Variants in GARNL3 observed in about 807,000 individuals in gnomAD.
GARNL3 encodes GTPase-activating Rap/Ran-GAP domain-like protein 3.
In GARNL3, 63 loss-of-function variants were observed where a neutral mutation model predicts 125.0. The ratio of observed to expected loss-of-function variants is 0.50; its 90% CI spans 0.41 to 0.62. The LOEUF (loss-of-function observed/expected upper bound fraction) is 0.62. Among genes scored for constraint, GARNL3 ranks in the 20% least tolerant of loss-of-function variants. GARNL3 has a pLI of 0.00. For missense variants in GARNL3, 994 were observed against 1,244.0 expected (o/e 0.80, Z 3.02); for synonymous variants, 439 against 457.5 (o/e 0.96, Z 0.52).
At position 127,389,190 on chromosome 9, in the gene GARNL3, G is replaced by T. The variant is rs1282470761; in HGVS notation, c.2743+71G>T. 3 of 1,121,762 alleles carry T rather than the reference G, an allele frequency of 2.7e-6. No homozygotes were observed. The African/African-American group carries it at 4.6e-5, about 17-fold the overall frequency. The allele number at this position is 1,121,762 out of a possible 1,614,324, so 69.5% of individuals were successfully genotyped here. ...CTGGTTTTATCTTTGGATATGAATT[G>T]TCCTCAGAAACAATGAGTTTAAAAG... On this transcript the variant is annotated intron_variant, in intron 26 of 27. Transcript: ENST00000373387.
rs753236719 is a variant in GARNL3 at position 127,389,072 on chromosome 9, G to T, written c.2696G>T (p.Arg899Leu). ...IPVTHSLSLSRMEIKEIASRT... is the reference protein window; with the variant it reads ...IPVTHSLSLSLMEIKEIASRT... ...GTCACGCACTCCTTGTCCCTGTCTC[G>T]CATGGAGATCAAAGAAATAGCAAGC... The change falls in exon 26 of 28, where the codon CGC becomes CTC. Residue 899 changes from arginine to leucine, a missense_variant. By Grantham distance (102) the Arg-to-Leu change is moderately radical. This residue lies in a region of GARNL3 where 728 missense variants were observed against 865.7 expected (regional missense o/e 0.84). Transcript: ENST00000373387. The T allele has an allele frequency of 1.9e-6, 3 of 1,614,070 alleles. No individual in the cohort carries two copies. Among genetic ancestry groups the T allele is most frequent in the Non-Finnish European group, 2.5e-6 (3 of 1,179,982 alleles).
chr9:127,225,210 G>A (rs1372197424), intron 1 of GARNL3: 1 of 250,118 alleles, frequency 4.0e-6, no homozygotes, highest in South Asian at 1.5e-4. Context: ...GGCCCAGCGA[G>A]GGGAGAGGGG....
chr9:127,293,506 G>T (rs2812273), intron 2 of GARNL3, among the ~76,000 whole-genome samples: 123,820 of 152,074 alleles, frequency 0.81, 51,055 homozygotes, highest in African/African-American at 0.94. Context: ...TTGCTGGCAC[G>T]TCCGTTGTCA....
intron 25 of GARNL3, among the ~76,000 whole-genome samples, chr9:127,387,576 C>T (rs1472100278): frequency 6.6e-6 from 1 of 151,800 alleles, no homozygotes; most frequent in Non-Finnish European, 1.5e-5. Flanking sequence ...AACCCCATCT[C>T]TACTAAAAAT....
At chr9:127,281,678 A>G (rs2064109913) in intron 1 of GARNL3, among the ~76,000 whole-genome samples, 1 of 152,198 alleles carries the variant, frequency 6.6e-6, no homozygotes, top group Admixed American at 6.5e-5. Flanking sequence ...ACAGAAGTGG[A>G]CTAAAAGAGA....
upstream of GARNL3, chr9:127,263,776 A>G (rs563398682): frequency 1.6e-6 from 2 of 1,232,618 alleles, no homozygotes; most frequent in East Asian, 3.2e-5. Flanking sequence ...TAAATTTCTC[A>G]TATAAGATTA....
At chr9:127,317,922 A>G in intron 4 of GARNL3, 141 bp from the exon 5 acceptor site, 3 of 706,664 alleles carry the variant, frequency 4.2e-6, no homozygotes, top group Middle Eastern at 2.4e-4. Context: ...TTTCAGTCAT[A>G]GAATGTGTTT....
chr9:127,255,053 G>C (rs2063473830), intron 2 of GARNL3, among the ~76,000 whole-genome samples: 1 of 152,210 alleles, frequency 6.6e-6, no homozygotes, highest in African/African-American at 2.4e-5. Flanking sequence ...CTGCTCATGA[G>C]AGGGTAAATT....
chr9:127,258,778 C>T (rs1422117161), upstream of GARNL3, among the ~76,000 whole-genome samples: 3 of 152,182 alleles, frequency 2.0e-5, no homozygotes, highest in African/African-American at 7.2e-5. Flanking sequence ...GCCTTGGGCT[C>T]CCTACAAGCC....
intron 22 of GARNL3, among the ~76,000 whole-genome samples, chr9:127,377,132 ATTTC>A (rs1831960322): frequency 2.6e-5 from 4 of 152,232 alleles, no homozygotes; most frequent in Admixed American, 2.6e-4. Context: ...AAGGATGATT[ATTTC>A]TTTAACATTA....
chr9:127,346,132 G>A (rs1214001425), intron 16 of GARNL3, among the ~76,000 whole-genome samples: 5 of 152,092 alleles, frequency 3.3e-5, no homozygotes, highest in Non-Finnish European at 7.3e-5. Flanking sequence ...TTCCATGGGG[G>A]TAAAAACTAG....
chr9:127,278,062 T>C (rs1243126030), intron 1 of GARNL3, among the ~76,000 whole-genome samples: 1 of 152,210 alleles, frequency 6.6e-6, no homozygotes, highest in Non-Finnish European at 1.5e-5. Context: ...ATTTTTTATA[T>C]TACTTCATAG....
chr9:127,339,221 C>T (rs1003299532), intron 12 of GARNL3, among the ~76,000 whole-genome samples: 3 of 150,766 alleles, frequency 2.0e-5, no homozygotes, highest in Admixed American at 6.6e-5. Context: ...GGTGTGAACC[C>T]GGGAGGCGGA....
chr9:127,264,896 A>G lies in GARNL3; in HGVS notation c.19A>G (p.Arg7Gly), dbSNP rs1272099589. The G allele has an allele frequency of 5.7e-5, 91 of 1,583,962 alleles. 1 individual carries two copies. The East Asian group carries it at 2.1e-3, about 37-fold the overall frequency. MVVDFC[R>G]RFVARSLCII... ...TTTGCAAATGGTAGTTGATTTTTGC[A>G]GAAGGTTTGTGGCCAGATCGCTATG... The change falls in exon 1 of 28, where the codon AGA (arginine) becomes GGA (glycine). Residue 7 changes from arginine (R) to glycine (G), a missense_variant. This residue lies in a region of GARNL3 where 37 missense variants were observed against 34.2 expected (regional missense o/e 1.08). Transcript: ENST00000373387.
chr9:127,384,876 G>A lies in GARNL3; in HGVS notation c.2270-151G>A, dbSNP rs2131822918. On this transcript the variant is annotated intron_variant, in intron 23 of 27. Transcript: ENST00000373387. The surrounding 1 kb of genome is among the most constrained non-coding windows in gnomAD (Gnocchi z 4.0). ...GGAACCCAGGCTACCTTAGGATCAG[G>A]GTGACTTGCACATGTGAAGGAAGGA... The A allele has an allele frequency of 1.9e-6, 1 of 527,154 alleles. No individual in the cohort carries two copies. 32.7% of individuals were successfully genotyped at this position (527,154 alleles called of 1,614,324 possible).
At chr9:127,337,423 G>T (rs536643863) in intron 11 of GARNL3, among the ~76,000 whole-genome samples, 2 of 152,260 alleles carry the variant, frequency 1.3e-5, no homozygotes, top group South Asian at 4.1e-4. Context: ...CATTAAGGCA[G>T]ATTCATTCCA....
At chr9:127,351,948 A>G (rs1386344663) in intron 17 of GARNL3, among the ~76,000 whole-genome samples, 1 of 152,220 alleles carries the variant, frequency 6.6e-6, no homozygotes, top group African/African-American at 2.4e-5. Flanking sequence ...CTTGTGTTGT[A>G]TACAAACCTG....
At chr9:127,351,194 A>T (rs940989136) in intron 17 of GARNL3, among the ~76,000 whole-genome samples, 1 of 152,182 alleles carries the variant, frequency 6.6e-6, no homozygotes, top group African/African-American at 2.4e-5. Context: ...AAACCAAAAG[A>T]TTCTATTTGA....
intron 16 of GARNL3, among the ~76,000 whole-genome samples, chr9:127,345,984 G>C (rs1361001816): frequency 2.6e-5 from 4 of 152,210 alleles, no homozygotes; most frequent in Non-Finnish European, 2.9e-5. Context: ...GGACCTGAAA[G>C]TTTGCATCTC....
Sources: gnomAD v4.1 joint callset for allele counts (sites outside exome capture counted in the v4.1 genomes callset) on GRCh38, gnomAD v4.1.1 for gene constraint, gnomAD v4.1.1 regional missense constraint, Gnocchi (gnomAD v3.1) non-coding constraint, MANE v1.5 for transcripts, NCBI Gene and HGNC (gene_info 2026-07-23, HGNC 2026-07-21) for gene names.